The following PDE4D variants were observed in gnomAD, a reference collection of about 807,000 sequenced individuals.
PDE4D encodes the protein phosphodiesterase 4D.
Under a neutral mutation model 87.4 loss-of-function variants are expected in PDE4D, and 24 were observed. The ratio of observed to expected loss-of-function variants is 0.27; its 90% CI spans 0.20 to 0.39. The LOEUF (loss-of-function observed/expected upper bound fraction) is 0.39, where lower values mean the gene tolerates loss of function less well. Among genes scored for constraint, PDE4D ranks in the 10% least tolerant of loss-of-function variants. PDE4D has a pLI of 1.00. For synonymous variants in PDE4D, 384 were observed against 383.2 expected (o/e 1.00, Z -0.02); for missense variants, 714 against 1,041.0 (o/e 0.69, Z 4.32).
chr5:60,090,857 G>A (rs1287104432), intron 2 of PDE4D, among the ~76,000 whole-genome samples: 2 of 152,112 alleles, frequency 1.3e-5, no homozygotes, highest in Admixed American at 1.3e-4. Context: ...CATACAAAAA[G>A]CAGTAACATT....
At chr5:59,407,562 G>A (rs1791916727) in intron 1 of PDE4D, among the ~76,000 whole-genome samples, 1 of 152,230 alleles carries the variant, frequency 6.6e-6, no homozygotes, top group Non-Finnish European at 1.5e-5. Flanking sequence ...GGGCTCAGGA[G>A]AAGGCAGGGA....
At chr5:60,108,990 C>A (rs1232659873) in intron 2 of PDE4D, among the ~76,000 whole-genome samples, 5 of 152,172 alleles carry the variant, frequency 3.3e-5, no homozygotes, top group African/African-American at 7.2e-5. Flanking sequence ...CAATGGCAAC[C>A]AAAGCCAAAA....
intron 2 of PDE4D, among the ~76,000 whole-genome samples, chr5:59,200,671 AG>A (rs1240958232): frequency 6.0e-5 from 7 of 117,092 alleles, no homozygotes; most frequent in Non-Finnish European, 1.1e-4. Context: ...GTGTATGTAT[AG>A]ATACACGTAT....
At chr5:59,472,611 A>G (rs1298877602) in intron 1 of PDE4D, among the ~76,000 whole-genome samples, 1 of 152,162 alleles carries the variant, frequency 6.6e-6, no homozygotes, top group Non-Finnish European at 1.5e-5. Context: ...TAGGAATTTT[A>G]TGAATTGATT....
chr5:60,406,783 T>C (rs186845283), intron 1 of PDE4D, among the ~76,000 whole-genome samples: 1 of 152,268 alleles, frequency 6.6e-6, no homozygotes, highest in Non-Finnish European at 1.5e-5. Context: ...TTAATAAAAA[T>C]AAGTATTGCT....
intron 1 of PDE4D, among the ~76,000 whole-genome samples, chr5:60,231,684 T>A (rs1325847162): frequency 6.6e-6 from 1 of 151,926 alleles, no homozygotes; most frequent in Non-Finnish European, 1.5e-5. Context: ...TGCAGTAAAT[T>A]ATTCAAATAA....
rs1401076936 is a variant in PDE4D at position 60,227,975 on chromosome 5, C to T, written c.-89-42288G>A. On this transcript the variant is annotated intron_variant, in intron 1 of 16. Transcript: ENST00000502484. ...TGTCTACATTCATTTCCTCAAACAC[C>T]CTTCTCCCCTCAATGTCATGCTCTC... 2.6e-5 allele frequency among the ~76,000 whole-genome samples: 4 copies of T among 151,992 alleles called. 1 individual carries two copies. The highest frequency in any genetic ancestry group is 2.1e-4 in the South Asian group (1 of 4,812).
At chr5:59,845,035 C>A (rs1255881059) in intron 1 of PDE4D, among the ~76,000 whole-genome samples, 1 of 151,996 alleles carries the variant, frequency 6.6e-6, no homozygotes. Flanking sequence ...TGGTGATCAG[C>A]AAGAAAGTGG....
At position 60,430,552 on chromosome 5, in the gene PDE4D, T is replaced by G. The variant is rs1315756399; in HGVS notation, c.-90+57390A>C. Among the ~76,000 whole-genome samples, 8 of 149,524 alleles carry G rather than the reference T, an allele frequency of 5.4e-5. No individual in the cohort carries two copies. The East Asian group carries it at 1.6e-3, about 30-fold the overall frequency. Reference sequence around the variant, plus strand: ...TGTGTTTTGTTTTTTTTTGTTTGTTTTTTTTTTTTATTGATCATTCTTGGG... The same window carrying G: ...TGTGTTTTGTTTTTTTTTGTTTGTTGTTTTTTTTTATTGATCATTCTTGGG... On this transcript the variant is annotated intron_variant, in intron 1 of 16. Coordinates refer to the PDE4D transcript ENST00000502484.
At chr5:59,372,553 C>A (rs1363150059) in intron 1 of PDE4D, among the ~76,000 whole-genome samples, 1 of 152,180 alleles carries the variant, frequency 6.6e-6, no homozygotes, top group Non-Finnish European at 1.5e-5. Context: ...GTGGGCTGTA[C>A]AGAGAACAGT....
At chr5:60,498,027 A>T (rs1361839254) in intron 1 of PDE4D, among the ~76,000 whole-genome samples, 1 of 152,202 alleles carries the variant, frequency 6.6e-6, no homozygotes, top group Non-Finnish European at 1.5e-5. Context: ...GACTATCAGC[A>T]GTTGTTTAGC....
chr5:59,194,444 A>T (rs940366623), intron 2 of PDE4D, among the ~76,000 whole-genome samples: 3 of 152,202 alleles, frequency 2.0e-5, no homozygotes, highest in African/African-American at 7.2e-5. Flanking sequence ...GAACAATCTG[A>T]AAACAACCTG....
intron 1 of PDE4D, among the ~76,000 whole-genome samples, chr5:59,762,609 G>T (rs1762234051): frequency 7.7e-6 from 1 of 130,122 alleles, no homozygotes; most frequent in South Asian, 2.5e-4. Context: ...TGTGTATATA[G>T]GTACATATGT....
intron 1 of PDE4D, among the ~76,000 whole-genome samples, chr5:59,378,381 C>G (rs1261658615): frequency 6.6e-6 from 1 of 151,862 alleles, no homozygotes; most frequent in African/African-American, 2.4e-5. Context: ...CCCTGTGACC[C>G]AAGTTTACCT....
At chr5:59,750,179 G>A (rs79034870) in intron 1 of PDE4D, among the ~76,000 whole-genome samples, 3 of 148,710 alleles carry the variant, frequency 2.0e-5, no homozygotes, top group African/African-American at 7.5e-5. Context: ...AGTTTAACTG[G>A]TCTCTGCTTC....
At chr5:59,914,360 A>G (rs961979972) in intron 3 of PDE4D, among the ~76,000 whole-genome samples, 5 of 152,112 alleles carry the variant, frequency 3.3e-5, no homozygotes, top group African/African-American at 1.2e-4. Flanking sequence ...TGGTCAGGAA[A>G]GTCCTCTCTG....
At chr5:60,242,115 C>T (rs974792473) in intron 1 of PDE4D, among the ~76,000 whole-genome samples, 2 of 151,996 alleles carry the variant, frequency 1.3e-5, no homozygotes, top group Non-Finnish European at 2.9e-5. Context: ...TAAACACACA[C>T]AGACTGAAAC....
chr5:60,430,012 G>A (rs1218440511), intron 1 of PDE4D: 3 of 521,294 alleles, frequency 5.8e-6, no homozygotes, highest in Non-Finnish European at 1.2e-5. Flanking sequence ...ACATTTTCTG[G>A]ACAACCGAAC....
chr5:59,260,070 CCT>C (rs1346135541), intron 1 of PDE4D, among the ~76,000 whole-genome samples: 7 of 151,742 alleles, frequency 4.6e-5, no homozygotes, highest in Non-Finnish European at 1.0e-4. Context: ...CTGAATCTAC[CCT>C]GTCTTAGCCA....
Sources: allele counts gnomAD v4.1 joint callset (sites outside exome capture counted in the v4.1 genomes callset), GRCh38; gene constraint gnomAD v4.1.1; transcripts MANE v1.5; gene names NCBI Gene and HGNC (gene_info 2026-07-23, HGNC 2026-07-21).